The following PCNX3 variants were observed in gnomAD, a reference collection of about 807,000 sequenced individuals.
PCNX3 encodes pecanex-like protein 3.
A neutral mutation model predicts 207.2 loss-of-function variants in PCNX3; 58 were observed. That is an observed-to-expected ratio of 0.28 (90% CI 0.23 to 0.35). PCNX3 has a LOEUF of 0.35. Ranked by LOEUF, PCNX3 falls within the 10% of genes least tolerant of loss-of-function variation. The pLI is 1.00. For synonymous variants in PCNX3, 1,337 were observed against 1,183.5 expected (o/e 1.13, Z -2.66); for missense variants, 2,410 against 2,774.4 (o/e 0.87, Z 2.95).
At chr11:65,619,392 G>T in intron 6 of PCNX3, 145 bp from the exon 7 acceptor site, 1 of 1,424,942 alleles carries the variant, frequency 7.0e-7, no homozygotes, top group Non-Finnish European at 9.3e-7. Flanking sequence ...ACTGAGCATG[G>T]GGCTGTGTGA....
chr11:65,628,981 C>T (rs549610082), intron 24 of PCNX3, 33 bp downstream of exon 24: 22 of 1,606,278 alleles, frequency 1.4e-5, no homozygotes, highest in East Asian at 1.1e-4. Flanking sequence ...GCATGCCCAG[C>T]AGGGCAGGAA....
chr11:65,625,441 G>T lies in PCNX3; in HGVS notation c.3066G>T (p.Glu1022Asp), dbSNP rs762687665. 11 of 1,605,916 alleles carry T rather than the reference G, an allele frequency of 6.8e-6. No homozygotes were observed. Among genetic ancestry groups the T allele is most frequent in the Non-Finnish European group, 9.3e-6 (11 of 1,179,260 alleles). ...GGAGCAAGCTGTTCCCTGAGCTGGA[G>T]GAGCGCAGCTTGGAGACAGCCCGGG... ...LIRSKLFPEL[E>D]ERSLETARAE... Residue 1022 changes from glutamate (E) to aspartate (D), a missense_variant, in exon 18 of 35, where the codon GAG becomes GAT. Coordinates refer to ENST00000355703, the MANE Select transcript of PCNX3 (RefSeq NM_032223.4). This position sits in a 1 kb window ranked among gnomAD's most constrained non-coding sequence, Gnocchi z 5.6.
chr11:65,617,639 C>T lies in PCNX3; in HGVS notation c.510C>T (p.Gly170=). The change falls in exon 5 of 35, where the codon GGC becomes GGT. Residue 170 remains glycine, a synonymous_variant. Coordinates refer to ENST00000355703, the MANE Select transcript of PCNX3 (RefSeq NM_032223.4). ...TCAAGGAGCTGGTGCGGGAGCAGGGCAGCAACAATGTGATCGTGACTTCTG... is the reference window on the plus strand; with the variant it reads ...TCAAGGAGCTGGTGCGGGAGCAGGGTAGCAACAATGTGATCGTGACTTCTG... ...RDIKELVREQ[G]SNNVIVTSAD... is the part of the protein sequence containing the mutation. The T allele has an allele frequency of 6.2e-7, 1 of 1,604,700 alleles. No individual in the cohort carries two copies. Among genetic ancestry groups the T allele is most frequent in the Non-Finnish European group, 8.5e-7 (1 of 1,175,436 alleles).
chr11:65,628,877 C>T lies in PCNX3; in HGVS notation c.3870C>T (p.Asn1290=). ...LLSGLFSTPL[N]PLLGSAVFIM... is the part of the protein sequence containing the mutation. ...CGGGGCTCTTCTCCACGCCTCTCAA[C>T]CCACTGCTAGGCAGTGCCGTCTTCA... The change falls in exon 24 of 35, where the codon AAC becomes AAT. Residue 1290 remains asparagine (N), a synonymous_variant. Transcript: ENST00000355703. 6.2e-7 allele frequency: 1 copy of T among 1,612,786 alleles called. No individual in the cohort carries two copies. The highest frequency in any genetic ancestry group is 8.5e-7 in the Non-Finnish European group (1 of 1,179,848).
rs753385168 is a variant in PCNX3, at chr11:65,618,234, C to G, written c.872C>G (p.Thr291Arg). Reference sequence around the variant, plus strand: ...GACCGGCGGGGCTCAGGGGAGCCCACGCCCCAGAAAGCCGGCTCCTCAGAC... The same window carrying G: ...GACCGGCGGGGCTCAGGGGAGCCCAGGCCCCAGAAAGCCGGCTCCTCAGAC... ...PLDRRGSGEP[T>R]PQKAGSSDSC... The change falls in exon 6 of 35, where the codon ACG becomes AGG. Residue 291 changes from threonine (T) to arginine (R), a missense_variant. Physicochemically the swap from Thr to Arg is moderately conservative, Grantham distance 71 (BLOSUM62 -1). Coordinates refer to ENST00000355703, the MANE Select transcript of PCNX3 (RefSeq NM_032223.4). 6.2e-6 allele frequency: 10 copies of G among 1,607,692 alleles called. No homozygotes were observed. In the African/African-American group the frequency reaches 1.2e-4, roughly 19 times the overall value.
In PCNX3 at chr11:65,617,360, C is replaced by T. The variant is rs1193795547; in HGVS notation, c.441+11C>T. On this transcript the variant is annotated intron_variant, in intron 3 of 34. Transcript: ENST00000355703. ...TTCAACCAGGTCTCGGTGAGTGGGCCTGGACCTCAGCTTGTCCTCCTGTCC... is the reference window on the plus strand; with the variant it reads ...TTCAACCAGGTCTCGGTGAGTGGGCTTGGACCTCAGCTTGTCCTCCTGTCC... 1.9e-6 allele frequency: 3 copies of T among 1,613,276 alleles called. No individual in the cohort carries two copies. The highest frequency in any genetic ancestry group is 2.5e-6 in the Non-Finnish European group (3 of 1,179,626).
chr11:65,617,177 T>C (rs1287314108), intron 2 of PCNX3, 73 bp from the exon 3 acceptor site: 3 of 1,453,222 alleles, frequency 2.1e-6, no homozygotes, highest in Non-Finnish European at 2.8e-6. Context: ...AAAGAAGCAG[T>C]GACAAAGATG....
Position 65,628,682 on chromosome 11 carries a change from G to T in PCNX3, c.3790G>T (p.Ala1264Ser). The T allele has an allele frequency of 6.2e-7, 1 of 1,601,668 alleles. No homozygotes were observed. Residue 1264 changes from alanine to serine, a missense_variant, in exon 23 of 35, where the codon GCC becomes TCC. Ala to Ser is a moderately conservative substitution (Grantham distance 99, BLOSUM62 1). This residue lies in a region of PCNX3 where 420 missense variants were observed against 705.3 expected (regional missense o/e 0.60). Transcript: ENST00000355703. ...CTGGGGCTCGGCTTTCCACGCTTTT[G>T]CCCAGCCGTTTGCCGTGCCACGTAT... ...ITWGSAFHAFAQPFAVPHSAM... is the reference protein window; with the variant it reads ...ITWGSAFHAFSQPFAVPHSAM...
At chr11:65,616,675 G>A in intron 1 of PCNX3, 149 bp from the exon 2 acceptor site, 2 of 1,001,942 alleles carry the variant, frequency 2.0e-6, no homozygotes, top group Non-Finnish European at 2.9e-6. Context: ...AGAATACAGA[G>A]CCCTTTGTCG....
Position 65,625,566 on chromosome 11 carries a change from C to T in PCNX3, c.3135+56C>T. ...GAGGTGGTGACAGGTCCTGGGGTTCCTGGGAGGGGCATGTCCAGCTTGGGC... is the reference window on the plus strand; with the variant it reads ...GAGGTGGTGACAGGTCCTGGGGTTCTTGGGAGGGGCATGTCCAGCTTGGGC... On this transcript the variant is annotated intron_variant, in intron 18 of 34. Coordinates refer to ENST00000355703, the MANE Select transcript of PCNX3 (RefSeq NM_032223.4). This position sits in a 1 kb window ranked among gnomAD's most constrained non-coding sequence, Gnocchi z 5.6. 1 of 1,574,594 alleles carries T rather than the reference C, an allele frequency of 6.4e-7. No individual in the cohort carries two copies. Among genetic ancestry groups the T allele is most frequent in the Non-Finnish European group, 8.6e-7 (1 of 1,159,880 alleles).
In PCNX3 at chr11:65,619,825, A is replaced by G; in HGVS notation, c.1901A>G (p.His634Arg). 1 of 1,604,234 alleles carries G rather than the reference A, an allele frequency of 6.2e-7. No individual in the cohort carries two copies. Among genetic ancestry groups the G allele is most frequent in the Non-Finnish European group, 8.5e-7 (1 of 1,178,260 alleles). The change falls in exon 8 of 35, where the codon CAT becomes CGT. Residue 634 changes from histidine (H) to arginine (R), a missense_variant. This residue lies in a region of PCNX3 where 1,104 missense variants were observed against 970.3 expected (regional missense o/e 1.14). Transcript: ENST00000355703. The stretch of plus-strand genomic sequence containing the variant: ...GCGCTGACGCTGCCCTCTGCGCTGC[A>G]TTTCGCCTCTTCACTGTTGCTCACC... ...SRALTLPSAL[H>R]FASSLLLTRA...
In PCNX3 at chr11:65,634,601, C is replaced by T. The variant is rs1489131047; in HGVS notation, c.4765C>T (p.Arg1589Cys). The change falls in exon 29 of 35, where the codon CGC becomes TGC. Residue 1589 changes from arginine (R) to cysteine (C), a missense_variant. Physicochemically the swap from Arg to Cys is radical, Grantham distance 180. Transcript: ENST00000355703. The stretch of plus-strand genomic sequence containing the variant: ...GTGTTTTGGCCTGTGTGTGCTGGGC[C>T]GCCGGGCCCTGGGGACAGCCTCTCA... ...TLCFGLCVLG[R>C]RALGTASHSM... 6.2e-7 allele frequency: 1 copy of T among 1,604,130 alleles called. No individual in the cohort carries two copies. The highest frequency in any genetic ancestry group is 8.5e-7 in the Non-Finnish European group (1 of 1,178,916).
rs781299274 is a variant in PCNX3 at position 65,617,232 on chromosome 11, G to C, written c.342-18G>C. 19 of 1,587,214 alleles carry C rather than the reference G, an allele frequency of 1.2e-5. 1 individual carries two copies. Among genetic ancestry groups the C allele is most frequent in the Non-Finnish European group, 1.6e-5 (19 of 1,166,464 alleles). On this transcript the variant is annotated intron_variant, in intron 2 of 34. Transcript: ENST00000355703. ...GAGGAGAGGTTAGCTCAAAGCTGCT[G>C]CTCTTTTTCACCGCCAGGGACCCCG...
chr11:65,637,381 T>C lies in PCNX3; in HGVS notation c.*403T>C, dbSNP rs1345967310. Reference sequence around the variant, plus strand: ...TTCTTTCCTTTTTTTTCTTTTCTTTTTTTTTTTTTTTTTTGTGCTTCGGAG... The same window carrying C: ...TTCTTTCCTTTTTTTTCTTTTCTTTCTTTTTTTTTTTTTTGTGCTTCGGAG... On this transcript the variant is annotated 3_prime_UTR_variant, in exon 35 of 35. Transcript: ENST00000355703. 19 of 167,220 alleles carry C rather than the reference T, an allele frequency of 1.1e-4. No homozygotes were observed. Among genetic ancestry groups the C allele is most frequent in the East Asian group, 1.1e-3 (7 of 6,172 alleles). 10.4% of individuals were successfully genotyped at this position (167,220 alleles called of 1,614,324 possible).
Position 65,623,992 on chromosome 11 carries a change from A to G in PCNX3, c.2544+31A>G, listed in dbSNP as rs558614545. 3.1e-6 allele frequency: 5 copies of G among 1,609,110 alleles called. No homozygotes were observed. In the Admixed American group the frequency reaches 8.3e-5, roughly 27 times the overall value. Reference sequence around the variant, plus strand: ...TACCCATGGAGCAGCGCCTCTGGCCAGGAGGCCCCGGGAGGGGCTGAGACC... The same window carrying G: ...TACCCATGGAGCAGCGCCTCTGGCCGGGAGGCCCCGGGAGGGGCTGAGACC... On this transcript the variant is annotated intron_variant, in intron 13 of 34. Coordinates refer to ENST00000355703, the MANE Select transcript of PCNX3 (RefSeq NM_032223.4).
intron 15 of PCNX3, 140 bp downstream of exon 15, chr11:65,624,721 C>A: frequency 2.1e-6 from 2 of 940,976 alleles, no homozygotes; most frequent in Non-Finnish European, 3.2e-6. Context: ...CTTCTCCCCT[C>A]TCCTTCCCTC....
Position 65,636,666 on chromosome 11 carries a change from A to T in PCNX3, c.5869A>T (p.Lys1957Ter). The change falls in exon 34 of 35, where the codon AAA becomes TAA. Residue 1957 changes from lysine (K) to a stop codon, truncating the protein, a stop_gained. Coordinates refer to ENST00000355703, the MANE Select transcript of PCNX3 (RefSeq NM_032223.4). LOFTEE classifies it high-confidence loss of function. ...SDGEPASGSP[K>*]GGTPKSQAPL... is the part of the protein sequence containing the mutation. ...CGGGGAGCCAGCCTCAGGGAGCCCCAAAGGAGGTACCCCCAAATCTCAGGT... is the reference window on the plus strand; with the variant it reads ...CGGGGAGCCAGCCTCAGGGAGCCCCTAAGGAGGTACCCCCAAATCTCAGGT... The T allele has an allele frequency of 6.3e-7, 1 of 1,584,944 alleles. No individual in the cohort carries two copies. Among genetic ancestry groups the T allele is most frequent in the African/African-American group, 1.4e-5 (1 of 73,854 alleles).
chr11:65,632,929 G>C (rs1375758526), intron 27 of PCNX3, among the ~76,000 whole-genome samples: 1 of 151,810 alleles, frequency 6.6e-6, no homozygotes, highest in Non-Finnish European at 1.5e-5. Context: ...ATTTTTTGTA[G>C]AGATGGGGTT....
At position 65,619,923 on chromosome 11, in the gene PCNX3, G is replaced by T. The variant is rs752726208; in HGVS notation, c.1999G>T (p.Asp667Tyr). The T allele has an allele frequency of 6.2e-7, 1 of 1,603,144 alleles. No homozygotes were observed. The highest frequency in any genetic ancestry group is 8.5e-7 in the Non-Finnish European group (1 of 1,173,418). Reference sequence around the variant, plus strand: ...TGAGGGTGCTGTGCACTATTTCTACGATGAGAGCGGTGAGCCTTTCCCAAG... The same window carrying T: ...TGAGGGTGCTGTGCACTATTTCTACTATGAGAGCGGTGAGCCTTTCCCAAG... Reference protein sequence around the residue: ...TSEGAVHYFYDESGVRRSYTF... With the variant: ...TSEGAVHYFYYESGVRRSYTF... The change falls in exon 8 of 35, where the codon GAT becomes TAT. Residue 667 changes from aspartate (D) to tyrosine (Y), a missense_variant. Transcript: ENST00000355703.
Sources: gnomAD v4.1 joint callset for allele counts (sites outside exome capture counted in the v4.1 genomes callset) on GRCh38, gnomAD v4.1.1 for gene constraint, gnomAD v4.1.1 regional missense constraint, Gnocchi (gnomAD v3.1) non-coding constraint, MANE v1.5 for transcripts, NCBI Gene and HGNC (gene_info 2026-07-23, HGNC 2026-07-21) for gene names.